ESCO1: variants seen among roughly 807,000 people sequenced by gnomAD.
ESCO1 encodes N-acetyltransferase ESCO1.
In ESCO1, 33 loss-of-function variants were observed where a neutral mutation model predicts 83.5. That is an observed-to-expected ratio of 0.40 (90% CI 0.30 to 0.53). The LOEUF (loss-of-function observed/expected upper bound fraction) is 0.53, where lower values mean the gene tolerates loss of function less well. Ranked by LOEUF, ESCO1 falls within the 20% of genes least tolerant of loss-of-function variation. The pLI, the probability that ESCO1 is intolerant of heterozygous loss-of-function variation, is 0.63. For missense variants in ESCO1, 855 were observed against 968.0 expected (o/e 0.88, Z 1.55); for synonymous variants, 332 against 324.3 (o/e 1.02, Z -0.25).
chr18:21,559,902 C>G (rs1042902096), intron 8 of ESCO1, among the ~76,000 whole-genome samples: 1 of 152,038 alleles, frequency 6.6e-6, no homozygotes, highest in African/African-American at 2.4e-5. Context: ...TCACCCTATC[C>G]TGGGTAGAAG....
At chr18:21,545,975 C>T (rs1477791526) in intron 8 of ESCO1, among the ~76,000 whole-genome samples, 2 of 152,078 alleles carry the variant, frequency 1.3e-5, no homozygotes, top group African/African-American at 4.8e-5. Context: ...GTGTCTAATC[C>T]ATATGGCCAT....
At chr18:21,596,991 T>C (rs1365299183) in intron 1 of ESCO1, 1 of 152,228 alleles carries the variant, frequency 6.6e-6, no homozygotes, top group Non-Finnish European at 1.5e-5. Context: ...ATGGGGACTC[T>C]CAGGATTCCT....
intron 1 of ESCO1, among the ~76,000 whole-genome samples, 153 bp from the exon 2 acceptor site, chr18:21,584,593 C>A (rs1404508887): frequency 6.6e-6 from 1 of 151,930 alleles, no homozygotes. Context: ...GATCAAGGAT[C>A]AAGGATCGCT....
intron 1 of ESCO1, among the ~76,000 whole-genome samples, chr18:21,596,057 T>C (rs2038762423): frequency 6.6e-6 from 1 of 151,688 alleles, no homozygotes; most frequent in Admixed American, 6.6e-5. Flanking sequence ...GGGATAAAAG[T>C]AAGTTAAATT....
rs753642022 is a variant in ESCO1 at position 21,574,145 on chromosome 18, T to C, written c.699A>G (p.Arg233=). 9 of 1,613,790 alleles carry C rather than the reference T, an allele frequency of 5.6e-6. No homozygotes were observed. In the South Asian group the frequency reaches 8.8e-5, roughly 16 times the overall value. The change falls in exon 4 of 12, where the codon AGA becomes AGG. Residue 233 remains arginine (R), a synonymous_variant. Coordinates refer to ENST00000269214, the MANE Select transcript of ESCO1 (RefSeq NM_052911.3). ...CAGGCACAGGTTTCGTTTCGTCTCT[T>C]CTAGTAGTCTTCTGAGGACACTTTT... ...GSEKCPQKTT[R]RDETKPVPVT...
intron 4 of ESCO1, among the ~76,000 whole-genome samples, chr18:21,570,926 G>A (rs1008374722): frequency 2.0e-5 from 3 of 150,976 alleles, no homozygotes; most frequent in African/African-American, 4.9e-5. Flanking sequence ...GCAGTGAGCC[G>A]AGATGCACCA....
In ESCO1 at chr18:21,539,989, A is replaced by G; in HGVS notation, c.1974T>C (p.Ile658=). The G allele has an allele frequency of 6.2e-7, 1 of 1,611,844 alleles. No homozygotes were observed. Among genetic ancestry groups the G allele is most frequent in the Middle Eastern group, 1.7e-4 (1 of 6,050 alleles). ...VKYVGWKKER[I]LAEYPDGRII... Reference sequence around the variant, plus strand: ...TCCTGCCATCAGGGTATTCAGCCAGAATTCTTTCTTTCTTCCAGCCCTAGA... The same window carrying G: ...TCCTGCCATCAGGGTATTCAGCCAGGATTCTTTCTTTCTTCCAGCCCTAGA... The change falls in exon 9 of 12, where the codon ATT becomes ATC. Residue 658 remains isoleucine, a synonymous_variant. Coordinates refer to ENST00000269214, the MANE Select transcript of ESCO1 (RefSeq NM_052911.3).
In ESCO1 at chr18:21,574,316, C is replaced by A. The variant is rs756985098; in HGVS notation, c.528G>T (p.Lys176Asn). The change falls in exon 4 of 12, where the codon AAG becomes AAT. Residue 176 changes from lysine (K) to asparagine (N), a missense_variant. Lys to Asn is a moderately conservative substitution (Grantham distance 94). This residue lies in a region of ESCO1 where 726 missense variants were observed against 699.5 expected (regional missense o/e 1.04). Coordinates refer to ENST00000269214, the MANE Select transcript of ESCO1 (RefSeq NM_052911.3). Reference sequence around the variant, plus strand: ...CAGACTTTACTTCCAGTACTTTTCTCTTCACATGTTTTTGACTTGTTTTAT... The same window carrying A: ...CAGACTTTACTTCCAGTACTTTTCTATTCACATGTTTTTGACTTGTTTTAT... ...KSNKTSQKHV[K>N]RKVLEVKSDS... 6.2e-6 allele frequency: 10 copies of A among 1,613,698 alleles called. No homozygotes were observed. Among genetic ancestry groups the A allele is most frequent in the Non-Finnish European group, 8.5e-6 (10 of 1,179,980 alleles).
chr18:21,555,800 C>T (rs1598460950), intron 8 of ESCO1, among the ~76,000 whole-genome samples: 1 of 151,476 alleles, frequency 6.6e-6, no homozygotes, highest in South Asian at 2.1e-4. Flanking sequence ...AGACACTGTC[C>T]CAAAAGGAAA....
intron 1 of ESCO1, among the ~76,000 whole-genome samples, chr18:21,590,501 T>C (rs912560131): frequency 2.3e-4 from 35 of 152,180 alleles, no homozygotes; most frequent in Admixed American, 2.3e-3. Flanking sequence ...AATACAGGCA[T>C]GAGCCACCGC....
At position 21,539,931 on chromosome 18, in the gene ESCO1, C is replaced by T; in HGVS notation, c.2032G>A (p.Ala678Thr). 1 of 1,612,748 alleles carries T rather than the reference C, an allele frequency of 6.2e-7. No homozygotes were observed. The highest frequency in any genetic ancestry group is 8.5e-7 in the Non-Finnish European group (1 of 1,179,566). ...IMVLPEDPKY[A>T]LKKVDEIREM... Reference sequence around the variant, plus strand: ...CACTGGAAATTTACCTTTTTCAGGGCATACTTTGGGTCTTCAGGAAGAACC... The same window carrying T: ...CACTGGAAATTTACCTTTTTCAGGGTATACTTTGGGTCTTCAGGAAGAACC... Residue 678 changes from alanine to threonine, a missense_variant, in exon 9 of 12, where the codon GCC (alanine) becomes ACC (threonine). Coordinates refer to ENST00000269214, the MANE Select transcript of ESCO1 (RefSeq NM_052911.3).
rs1421949503 is a variant in ESCO1 at position 21,574,926 on chromosome 18, T to G, written c.-83A>C. Reference sequence around the variant, plus strand: ...AGGCGTGAATGCTGACTAGCTAGTATTATTACTGAGGAGCAGGTCTGAAAA... The same window carrying G: ...AGGCGTGAATGCTGACTAGCTAGTAGTATTACTGAGGAGCAGGTCTGAAAA... On this transcript the variant is annotated 5_prime_UTR_variant, in exon 4 of 12. Coordinates refer to ENST00000269214, the MANE Select transcript of ESCO1 (RefSeq NM_052911.3). The G allele has an allele frequency of 1.9e-6, 2 of 1,057,040 alleles. No homozygotes were observed. The highest frequency in any genetic ancestry group is 3.1e-5 in the Admixed American group (1 of 32,652). 65.5% of individuals were successfully genotyped at this position (1,057,040 alleles called of 1,614,324 possible).
At position 21,536,032 on chromosome 18, in the gene ESCO1, T is replaced by C. The variant is rs769282537; in HGVS notation, c.2187+10A>G. Reference sequence around the variant, plus strand: ...ACCAAATTACTTAAGAACACTCTTTTATCACTTACCCATTGGATATGTTCC... The same window carrying C: ...ACCAAATTACTTAAGAACACTCTTTCATCACTTACCCATTGGATATGTTCC... On this transcript the variant is annotated intron_variant, in intron 10 of 11. Coordinates refer to ENST00000269214, the MANE Select transcript of ESCO1 (RefSeq NM_052911.3). The C allele has an allele frequency of 9.9e-6, 16 of 1,612,590 alleles. No individual in the cohort carries two copies. Among genetic ancestry groups the C allele is most frequent in the African/African-American group, 5.3e-5 (4 of 74,896 alleles).
intron 4 of ESCO1, among the ~76,000 whole-genome samples, chr18:21,571,309 T>TA (rs2038338615): frequency 6.6e-6 from 1 of 151,974 alleles, no homozygotes; most frequent in African/African-American, 2.4e-5. Context: ...CACCTCAGCC[T>TA]CCTGAGTAGC....
chr18:21,541,355 C>T (rs1000148418), intron 8 of ESCO1, among the ~76,000 whole-genome samples: 1 of 151,930 alleles, frequency 6.6e-6, no homozygotes, highest in Non-Finnish European at 1.5e-5. Context: ...AATCCCAGCA[C>T]TTTGGGAGGA....
At chr18:21,542,542 CTGTAT>C (rs1169664652) in intron 8 of ESCO1, among the ~76,000 whole-genome samples, 4 of 152,128 alleles carry the variant, frequency 2.6e-5, no homozygotes, top group Admixed American at 2.0e-4. Context: ...TACGAGGGTG[CTGTAT>C]TTAAGATGAC....
chr18:21,591,459 A>G (rs1265674705), intron 1 of ESCO1, among the ~76,000 whole-genome samples: 2 of 152,226 alleles, frequency 1.3e-5, no homozygotes, highest in African/African-American at 2.4e-5. Flanking sequence ...CAAGAAGCCT[A>G]CAGTTTTCCC....
At chr18:21,579,330 C>T (rs112118710) in intron 2 of ESCO1, among the ~76,000 whole-genome samples, 4 of 152,078 alleles carry the variant, frequency 2.6e-5, no homozygotes, top group South Asian at 2.1e-4. Context: ...TGGTGGCACG[C>T]GCCTGTAGAC....
intron 2 of ESCO1, among the ~76,000 whole-genome samples, chr18:21,577,860 T>C (rs2038442164): frequency 6.6e-6 from 1 of 152,122 alleles, no homozygotes; most frequent in Non-Finnish European, 1.5e-5. Context: ...AAACCCACTC[T>C]GTTCATTCAA....
Sources: gnomAD v4.1 joint callset for allele counts (sites outside exome capture counted in the v4.1 genomes callset) on GRCh38, gnomAD v4.1.1 for gene constraint, gnomAD v4.1.1 regional missense constraint, MANE v1.5 for transcripts, NCBI Gene and HGNC (gene_info 2026-07-23, HGNC 2026-07-21) for gene names.